The following SGCZ variants were observed in gnomAD, a reference collection of about 807,000 sequenced individuals.
The protein encoded by SGCZ is zeta-sarcoglycan.
Under a neutral mutation model 41.3 loss-of-function variants are expected in SGCZ, and 40 were observed. The observed-to-expected ratio is 0.97, with a 90% CI of 0.75 to 1.26. The LOEUF is 1.26. SGCZ is among the 50% of genes most tolerant of loss of function. SGCZ has a pLI of 0.00. For synonymous variants in SGCZ, 206 were observed against 137.5 expected, an observed-to-expected ratio of 1.50 and a Z score of -3.49; for missense variants, 552 against 369.8, an observed-to-expected ratio of 1.49 and a Z score of -4.04.
chr8:14,907,427 A>G (rs1465231428), intron 1 of SGCZ, among the ~76,000 whole-genome samples: 1 of 152,122 alleles, frequency 6.6e-6, no homozygotes, highest in Non-Finnish European at 1.5e-5. Flanking sequence ...GGCTCAAGTG[A>G]TCCTCCTGCC....
intron 1 of SGCZ, among the ~76,000 whole-genome samples, chr8:14,794,605 G>C (rs1033251924): frequency 2.0e-5 from 3 of 152,114 alleles, no homozygotes; most frequent in Non-Finnish European, 4.4e-5. Flanking sequence ...TTTCCATTAA[G>C]AAAGAAGTTA....
chr8:14,226,247 T>C (rs1806369128), intron 4 of SGCZ, among the ~76,000 whole-genome samples: 1 of 152,054 alleles, frequency 6.6e-6, no homozygotes, highest in African/African-American at 2.4e-5. Context: ...TAAAAAGTAT[T>C]TCAAGTTACT....
intron 4 of SGCZ, among the ~76,000 whole-genome samples, chr8:14,211,399 A>T (rs1162478854): frequency 6.6e-6 from 1 of 152,142 alleles, no homozygotes; most frequent in Non-Finnish European, 1.5e-5. Flanking sequence ...TTCTCCACTT[A>T]TGATGTCCCA....
At chr8:14,514,493 T>C (rs1352272067) in intron 2 of SGCZ, among the ~76,000 whole-genome samples, 1 of 151,876 alleles carries the variant, frequency 6.6e-6, no homozygotes, top group African/African-American at 2.4e-5. Context: ...GGTAAGAATT[T>C]GATAGCTAGT....
At chr8:14,924,606 G>C (rs541508235) in intron 1 of SGCZ, among the ~76,000 whole-genome samples, 1 of 151,800 alleles carries the variant, frequency 6.6e-6, no homozygotes, top group East Asian at 1.9e-4. Context: ...TTTTAACATG[G>C]AAAAACTAGT....
In SGCZ at chr8:14,576,545, G is replaced by A. The variant is rs188704426; in HGVS notation, c.40-21619C>T. ...AAGAATGGAAAATTGAATATGAATG[G>A]AATTATTTTTAGAATTGATTTTATA... On this transcript the variant is annotated intron_variant, in intron 1 of 7. Coordinates refer to ENST00000382080, the MANE Select transcript of SGCZ (RefSeq NM_139167.4). Among the ~76,000 whole-genome samples, 180 of 152,294 alleles carry A rather than the reference G, an allele frequency of 1.2e-3. 3 individuals carry two copies. The highest frequency in any genetic ancestry group is 2.2e-3 in the Admixed American group (33 of 15,298).
At chr8:15,052,131 T>G (rs1373771378) in intron 1 of SGCZ, among the ~76,000 whole-genome samples, 1 of 152,176 alleles carries the variant, frequency 6.6e-6, no homozygotes, top group Non-Finnish European at 1.5e-5. Flanking sequence ...CTATCAAGAT[T>G]TCATCAAGAG....
At chr8:15,087,386 A>T (rs771014387) in intron 1 of SGCZ, among the ~76,000 whole-genome samples, 10 of 152,210 alleles carry the variant, frequency 6.6e-5, no homozygotes, top group Admixed American at 3.3e-4. Flanking sequence ...TACATATGTG[A>T]TGTTAACGTC....
intron 4 of SGCZ, among the ~76,000 whole-genome samples, chr8:14,181,695 C>CG (rs1156880867): frequency 2.0e-5 from 3 of 152,160 alleles, no homozygotes; most frequent in East Asian, 1.9e-4. Flanking sequence ...TCTGCACAAG[C>CG]GCTCTTGCCT....
At chr8:14,807,816 T>C (rs1198232329) in intron 1 of SGCZ, among the ~76,000 whole-genome samples, 15 of 152,256 alleles carry the variant, frequency 9.9e-5, no homozygotes, top group Admixed American at 3.9e-4. Context: ...CATCACACTA[T>C]CTGACTTCAA....
At chr8:14,732,244 C>G (rs538640483) in intron 1 of SGCZ, among the ~76,000 whole-genome samples, 1 of 152,242 alleles carries the variant, frequency 6.6e-6, no homozygotes, top group East Asian at 1.9e-4. Flanking sequence ...AAACACATCC[C>G]TGCCTGCAGC....
At chr8:14,451,052 G>C (rs997978530) in intron 2 of SGCZ, among the ~76,000 whole-genome samples, 2 of 152,162 alleles carry the variant, frequency 1.3e-5, no homozygotes, top group African/African-American at 4.8e-5. Flanking sequence ...CTTGTTTTAA[G>C]TGGTCCCCAA....
chr8:14,841,693 T>A (rs959477456), intron 1 of SGCZ, among the ~76,000 whole-genome samples: 1 of 152,220 alleles, frequency 6.6e-6, no homozygotes. Flanking sequence ...CCATACTAAA[T>A]GGAATTACTG....
intron 1 of SGCZ, among the ~76,000 whole-genome samples, chr8:15,007,539 G>A (rs999108216): frequency 2.6e-5 from 4 of 152,192 alleles, no homozygotes; most frequent in Non-Finnish European, 4.4e-5. Context: ...GACTGACAGC[G>A]TAACTCAAGG....
At chr8:14,946,541 T>A (rs1800453613) in intron 1 of SGCZ, among the ~76,000 whole-genome samples, 1 of 152,080 alleles carries the variant, frequency 6.6e-6, no homozygotes, top group Non-Finnish European at 1.5e-5. Context: ...AGGGAATGAA[T>A]CATCTTTTTC....
intron 4 of SGCZ, among the ~76,000 whole-genome samples, chr8:14,169,168 A>G (rs1331884319): frequency 6.6e-6 from 1 of 152,142 alleles, no homozygotes. Context: ...ACAACTTGAC[A>G]TTCCACAAGA....
chr8:14,439,786 G>C (rs79102024), intron 2 of SGCZ, among the ~76,000 whole-genome samples: 4,736 of 151,982 alleles, frequency 0.031, 224 homozygotes, highest in African/African-American at 0.11. Context: ...ATGATAAACA[G>C]TATCTATAGG....
At chr8:14,980,504 A>G (rs1025175629) in intron 1 of SGCZ, among the ~76,000 whole-genome samples, 1 of 152,220 alleles carries the variant, frequency 6.6e-6, no homozygotes, top group Non-Finnish European at 1.5e-5. Flanking sequence ...AGACTGGTCA[A>G]TTTACAAAAG....
chr8:15,020,255 A>C (rs1022156713), intron 1 of SGCZ, among the ~76,000 whole-genome samples: 6 of 152,274 alleles, frequency 3.9e-5, no homozygotes, highest in Admixed American at 3.3e-4. Flanking sequence ...CTCAATATAA[A>C]TGATTTGATG....
Sources: allele counts gnomAD v4.1 joint callset (sites outside exome capture counted in the v4.1 genomes callset), GRCh38; gene constraint gnomAD v4.1.1; transcripts MANE v1.5; gene names NCBI Gene and HGNC (gene_info 2026-07-23, HGNC 2026-07-21).